CNTN1: variants seen among roughly 807,000 people sequenced by gnomAD.
CNTN1 encodes contactin 1.
CNTN1 carries 38 observed loss-of-function variants against 126.4 expected under a neutral mutation model. The ratio of observed to expected loss-of-function variants is 0.30; its 90% CI spans 0.23 to 0.39. CNTN1 has a LOEUF of 0.39. Ranked by LOEUF, CNTN1 falls within the 10% of genes least tolerant of loss-of-function variation. The probability of loss-of-function intolerance (pLI) is 1.00; values close to 1 mark genes in which losing one functional copy is unlikely to be tolerated. For missense variants in CNTN1, 1,009 were observed against 1,248.4 expected, an observed-to-expected ratio of 0.81 and a Z score of 2.89; for synonymous variants, 413 against 422.6, an observed-to-expected ratio of 0.98 and a Z score of 0.28.
chr12:40,955,823 G>C (rs1946858903), intron 14 of CNTN1, among the ~76,000 whole-genome samples: 1 of 152,120 alleles, frequency 6.6e-6, no homozygotes, highest in African/African-American at 2.4e-5. Flanking sequence ...TTCAGATATG[G>C]GAGGGGTATC....
chr12:40,726,099 AG>A (rs1352050030), intron 1 of CNTN1, among the ~76,000 whole-genome samples: 3 of 152,072 alleles, frequency 2.0e-5, no homozygotes, highest in African/African-American at 7.2e-5. Context: ...ATGACTAGGG[AG>A]GGGGAAAGAA....
chr12:40,851,141 C>T (rs1442087577), intron 1 of CNTN1, among the ~76,000 whole-genome samples: 2 of 152,130 alleles, frequency 1.3e-5, no homozygotes, highest in African/African-American at 4.8e-5. Flanking sequence ...GAGTAGACTT[C>T]TGATAGTGGT....
intron 1 of CNTN1, among the ~76,000 whole-genome samples, chr12:40,852,257 C>T (rs1174086458): frequency 6.6e-6 from 1 of 152,126 alleles, no homozygotes; most frequent in Non-Finnish European, 1.5e-5. Context: ...CAAATTAACC[C>T]CTCGGTTTCC....
chr12:40,976,111 T>C (rs949830509), intron 15 of CNTN1, among the ~76,000 whole-genome samples: 2 of 152,180 alleles, frequency 1.3e-5, no homozygotes. Flanking sequence ...GTTCTTTTTC[T>C]CCTCTTTCAC....
rs552547942 is a variant in CNTN1, at chr12:40,934,024, A to G, written c.985+146A>G. 461 of 701,608 alleles carry G rather than the reference A, an allele frequency of 6.6e-4. 4 individuals carry two copies. In the South Asian group the frequency reaches 7.7e-3, roughly 12 times the overall value. The allele number at this position is 701,608 out of a possible 1,614,324, so 43.5% of individuals were successfully genotyped here. On this transcript the variant is annotated intron_variant, in intron 9 of 23. Coordinates refer to ENST00000551295, the MANE Select transcript of CNTN1 (RefSeq NM_001843.4). ...CATGGAGAAAGATAAAATATTTCTC[A>G]TATGTCTAATGAAGTCACAACTATG... is the stretch of plus-strand genomic sequence containing the variant.
chr12:40,934,792 TC>T (rs1946023808), intron 9 of CNTN1, among the ~76,000 whole-genome samples: 1 of 152,074 alleles, frequency 6.6e-6, no homozygotes, highest in Non-Finnish European at 1.5e-5. Flanking sequence ...TCTCTGCCTC[TC>T]CACAGAAACC....
At chr12:40,848,557 T>C (rs1942601250) in intron 1 of CNTN1, among the ~76,000 whole-genome samples, 1 of 152,206 alleles carries the variant, frequency 6.6e-6, no homozygotes, top group African/African-American at 2.4e-5. Flanking sequence ...GATACTATTT[T>C]GAAAGTTATA....
At chr12:40,787,537 G>A (rs1940070809) in intron 1 of CNTN1, among the ~76,000 whole-genome samples, 1 of 152,050 alleles carries the variant, frequency 6.6e-6, no homozygotes, top group Admixed American at 6.6e-5. Flanking sequence ...GATGTTCAAA[G>A]TTGTTGCTTT....
At chr12:40,878,227 C>G (rs1259084987) in intron 1 of CNTN1, among the ~76,000 whole-genome samples, 1 of 151,332 alleles carries the variant, frequency 6.6e-6, no homozygotes, top group Admixed American at 6.6e-5. Flanking sequence ...GAACTCCTGA[C>G]CTCAGGTGAT....
chr12:40,730,257 G>A (rs904558239), intron 1 of CNTN1, among the ~76,000 whole-genome samples: 2 of 152,236 alleles, frequency 1.3e-5, no homozygotes, highest in Admixed American at 1.3e-4. Flanking sequence ...ACACTGCTAT[G>A]CCAAACCGCT....
intron 6 of CNTN1, among the ~76,000 whole-genome samples, chr12:40,925,572 T>A (rs1264985620): frequency 7.1e-6 from 1 of 140,944 alleles, no homozygotes; most frequent in Non-Finnish European, 1.5e-5. Flanking sequence ...TATATATACG[T>A]ATATACGTAT....
chr12:40,693,361 T>G (rs1252193635), intron 1 of CNTN1, among the ~76,000 whole-genome samples: 1 of 151,876 alleles, frequency 6.6e-6, no homozygotes, highest in Non-Finnish European at 1.5e-5. Context: ...TTCCAGGGAG[T>G]CAAGTGATTG....
chr12:40,828,028 G>A (rs1300128143), intron 1 of CNTN1: 1 of 152,156 alleles, frequency 6.6e-6, no homozygotes, highest in Non-Finnish European at 1.5e-5. Context: ...GAATTTGGAA[G>A]ATGTAAATCT....
chr12:40,939,513 G>T (rs1946192918), intron 12 of CNTN1, 28 bp downstream of exon 12: 1 of 1,611,806 alleles, frequency 6.2e-7, no homozygotes, highest in Admixed American at 1.7e-5. Flanking sequence ...AAATCCAATT[G>T]CAAAATCTGT....
In CNTN1 at chr12:40,922,397, C is replaced by A. The variant is rs1945475370; in HGVS notation, c.369C>A (p.Val123=). ...YCLASNNYGM[V]RSTEATLSFG... ...TAGCATCTAATAACTACGGGATGGT[C>A]AGAAGCACTGAAGCAACCCTGAGCT... Residue 123 remains valine, a synonymous_variant, in exon 5 of 24, where the codon GTC becomes GTA. Coordinates refer to ENST00000551295, the MANE Select transcript of CNTN1 (RefSeq NM_001843.4). 1.2e-6 allele frequency: 2 copies of A among 1,613,830 alleles called. No homozygotes were observed. Among genetic ancestry groups the A allele is most frequent in the South Asian group, 1.1e-5 (1 of 91,052 alleles).
chr12:40,862,551 A>G (rs1943150879), intron 1 of CNTN1, among the ~76,000 whole-genome samples: 2 of 152,140 alleles, frequency 1.3e-5, no homozygotes, highest in South Asian at 4.1e-4. Flanking sequence ...CAGGTCTCTG[A>G]TACACTCAAG....
At chr12:41,007,439 C>A (rs930684571) in intron 17 of CNTN1, among the ~76,000 whole-genome samples, 2 of 152,102 alleles carry the variant, frequency 1.3e-5, no homozygotes, top group African/African-American at 4.8e-5. Context: ...GGGGTATATA[C>A]CCTGGGGTTT....
chr12:40,939,297 A>G, intron 11 of CNTN1, 38 bp from the exon 12 acceptor site: 1 of 1,609,266 alleles, frequency 6.2e-7, no homozygotes, highest in East Asian at 2.2e-5. Context: ...AGGCTTTACA[A>G]ACAGAAAGAG....
chr12:41,008,236 ATG>A (rs1948552735), intron 17 of CNTN1, among the ~76,000 whole-genome samples: 2 of 152,158 alleles, frequency 1.3e-5, no homozygotes, highest in South Asian at 4.1e-4. Context: ...GAAGAGATGA[ATG>A]TTAGTTCGAA....
Sources: allele counts gnomAD v4.1 joint callset (sites outside exome capture counted in the v4.1 genomes callset), GRCh38; gene constraint gnomAD v4.1.1; transcripts MANE v1.5; gene names NCBI Gene and HGNC (gene_info 2026-07-23, HGNC 2026-07-21).